SORL1: variants seen among roughly 807,000 people sequenced by gnomAD.
The protein encoded by SORL1 is sortilin related receptor 1.
Under a neutral mutation model 273.7 loss-of-function variants are expected in SORL1, and 127 were observed. The observed-to-expected ratio is 0.46, with a 90% confidence interval of 0.40 to 0.54. The LOEUF (loss-of-function observed/expected upper bound fraction) is 0.54. SORL1 is among the 20% of genes least tolerant of loss of function. The pLI, the probability that SORL1 is intolerant of heterozygous loss-of-function variation, is 0.00. For synonymous variants in SORL1, 1,031 were observed against 1,067.4 expected, an observed-to-expected ratio of 0.97 and a Z score of 0.66; for missense variants, 2,494 against 2,846.1, an observed-to-expected ratio of 0.88 and a Z score of 2.81.
intron 47 of SORL1, chr11:121,629,249 T>A (rs1353077693): frequency 6.1e-6 from 3 of 489,404 alleles, no homozygotes; most frequent in Admixed American, 7.5e-5. Flanking sequence ...TTTGTTTTCC[T>A]AATTTGGCTA....
intron 25 of SORL1, among the ~76,000 whole-genome samples, chr11:121,581,758 T>C (rs1863018622): frequency 6.6e-6 from 1 of 152,234 alleles, no homozygotes; most frequent in Admixed American, 6.5e-5. Context: ...AGAATTGTCA[T>C]TTGGAAACTT....
chr11:121,576,262 A>G (rs939940085), intron 24 of SORL1, among the ~76,000 whole-genome samples: 1 of 152,232 alleles, frequency 6.6e-6, no homozygotes, highest in Non-Finnish European at 1.5e-5. Context: ...CTTATTGTCT[A>G]GTGAGGGCCT....
chr11:121,629,506 T>C lies in SORL1; in HGVS notation c.6588T>C (p.Asp2196=), dbSNP rs1237407994. 1 of 1,574,214 alleles carries C rather than the reference T, an allele frequency of 6.4e-7. No individual in the cohort carries two copies. Among genetic ancestry groups the C allele is most frequent in the African/African-American group, 1.3e-5 (1 of 74,104 alleles). ...CTGTTTTGTCTCTAGGGGAAGATGA[T>C]GAAGATGCCCCTATGATAACTGGAT... ...FSSGDDLGED[D]EDAPMITGFS... is the part of the protein sequence containing the mutation. Residue 2196 remains aspartate (D), a synonymous_variant, in exon 48 of 48, where the codon GAT becomes GAC. Coordinates refer to ENST00000260197, the MANE Select transcript of SORL1 (RefSeq NM_003105.6).
At chr11:121,585,514 C>CACACACAT in intron 26 of SORL1, among the ~76,000 whole-genome samples, 1 of 151,388 alleles carries the variant, frequency 6.6e-6, no homozygotes, top group East Asian at 1.9e-4. Context: ...CACACACACA[C>CACACACAT]ACACACACAC....
intron 3 of SORL1, among the ~76,000 whole-genome samples, chr11:121,482,169 C>T (rs1202147544): frequency 6.6e-6 from 1 of 152,130 alleles, no homozygotes; most frequent in African/African-American, 2.4e-5. Flanking sequence ...AGGCAGAGGA[C>T]TGGGGCTTTG....
chr11:121,523,664 G>A (rs1862075039), intron 11 of SORL1, among the ~76,000 whole-genome samples: 1 of 151,932 alleles, frequency 6.6e-6, no homozygotes, highest in African/African-American at 2.4e-5. Flanking sequence ...GGCCAAGGAA[G>A]TGCGTTTGGT....
intron 1 of SORL1, among the ~76,000 whole-genome samples, chr11:121,468,523 C>T (rs537411155): frequency 3.3e-5 from 5 of 152,210 alleles, no homozygotes; most frequent in Non-Finnish European, 5.9e-5. Flanking sequence ...TGAGCTCAAG[C>T]GATTCTTCTG....
Position 121,625,108 on chromosome 11 carries a change from T to C in SORL1, c.6195T>C (p.Asp2065=). The C allele has an allele frequency of 6.2e-7, 1 of 1,612,874 alleles. No homozygotes were observed. The highest frequency in any genetic ancestry group is 8.5e-7 in the Non-Finnish European group (1 of 1,179,074). The stretch of plus-strand genomic sequence containing the variant: ...AGGGCTATGAGATACACATGTTTGA[T>C]AGTGCCATGAATATCACAGCTTACC... ...ESRGYEIHMF[D]SAMNITAYLG... is the part of the protein sequence containing the mutation. The change falls in exon 46 of 48, where the codon GAT becomes GAC. Residue 2065 remains aspartate (D), a synonymous_variant. Coordinates refer to ENST00000260197, the MANE Select transcript of SORL1 (RefSeq NM_003105.6).
intron 3 of SORL1, among the ~76,000 whole-genome samples, chr11:121,484,605 G>A (rs1166958624): frequency 6.6e-6 from 1 of 151,948 alleles, no homozygotes; most frequent in Non-Finnish European, 1.5e-5. Context: ...AGGGAGAATT[G>A]GGTTTTGTTG....
chr11:121,619,661 T>A, intron 42 of SORL1, 92 bp from the exon 43 acceptor site: 4 of 1,031,280 alleles, frequency 3.9e-6, no homozygotes, highest in Non-Finnish European at 5.7e-6. Flanking sequence ...TGAATTTTAA[T>A]TGTTGTCATT....
At position 121,545,968 on chromosome 11, in the gene SORL1, C is replaced by T. The variant is rs117986715; in HGVS notation, c.2051+539C>T. ...AAGTGCCTCAGAGGAGGAACTGGTA[C>T]TTTTATTGTGACTATTGAAAGGAAG... On this transcript the variant is annotated intron_variant, in intron 14 of 47. Coordinates refer to ENST00000260197, the MANE Select transcript of SORL1 (RefSeq NM_003105.6). Among the ~76,000 whole-genome samples, 649 of 152,268 alleles carry T rather than the reference C, an allele frequency of 4.3e-3. 6 individuals are homozygous for T. Among genetic ancestry groups the T allele is most frequent in the Admixed American group, 8.9e-3 (136 of 15,306 alleles).
chr11:121,604,473 C>T (rs1863439465), intron 33 of SORL1, 149 bp downstream of exon 33: 2 of 1,079,888 alleles, frequency 1.9e-6, no homozygotes, highest in Non-Finnish European at 2.6e-6. Flanking sequence ...AGTTTTGGAG[C>T]CCCAAGTGAG....
In SORL1 at chr11:121,520,675, A is replaced by T. The variant is rs1480205747; in HGVS notation, c.1230A>T (p.Pro410=). ...ATTGTAGGTATTTTGCAAATGAACC[A>T]TTTGCTGACTTCCACCGAGTGGAAG... is the stretch of plus-strand genomic sequence containing the variant. The part of the protein sequence containing the change: ...DTLVRYFANE[P]FADFHRVEGL... The change falls in exon 9 of 48, where the codon CCA becomes CCT. Residue 410 remains proline (P), a synonymous_variant. Transcript: ENST00000260197. 6.3e-7 allele frequency: 1 copy of T among 1,577,080 alleles called. No individual in the cohort carries two copies. Among genetic ancestry groups the T allele is most frequent in the Admixed American group, 1.9e-5 (1 of 51,932 alleles).
chr11:121,528,866 A>G (rs531561095), intron 11 of SORL1, among the ~76,000 whole-genome samples: 4 of 152,302 alleles, frequency 2.6e-5, no homozygotes, highest in African/African-American at 7.2e-5. Flanking sequence ...TGTTCTGTAG[A>G]TATTATTTAT....
At chr11:121,604,416 C>A (rs1863438014) in intron 33 of SORL1, 92 bp downstream of exon 33, 8 of 1,446,590 alleles carry the variant, frequency 5.5e-6, no homozygotes, top group South Asian at 1.3e-5. Flanking sequence ...TGAGCTAGGA[C>A]CCTTTTGAAC....
chr11:121,502,124 CTTTTTTTTTTTTT>C lies in SORL1; in HGVS notation c.939+5092_939+5104del, dbSNP rs57842880. 3.7e-3 allele frequency among the ~76,000 whole-genome samples: 242 copies of C among 65,188 alleles called. 4 individuals are homozygous for C. Among genetic ancestry groups the C allele is most frequent in the African/African-American group, 0.011 (211 of 18,866 alleles). 42.8% of individuals were successfully genotyped at this position (65,188 alleles called of 152,430 possible). A position where few individuals can be genotyped will look rare whatever the true frequency, so the allele number is the denominator to read the frequency against. On this transcript the variant is annotated intron_variant, in intron 6 of 47. Transcript: ENST00000260197. ...GTAACTACTGGGTCATGTGACAATTCTTTTTTTTTTTTTTTTTTTTTTTTTTTTTGAGATGGAG... is the reference window on the plus strand; with the variant it reads ...GTAACTACTGGGTCATGTGACAATTCTTTTTTTTTTTTTTTTGAGATGGAG...
chr11:121,507,610 G>A (rs768878383), intron 6 of SORL1, among the ~76,000 whole-genome samples: 1 of 151,690 alleles, frequency 6.6e-6, no homozygotes, highest in Admixed American at 6.6e-5. Context: ...CTATTTGCTT[G>A]TTTTTAAAAA....
At chr11:121,505,723 T>C (rs1009026815) in intron 6 of SORL1, among the ~76,000 whole-genome samples, 1 of 152,178 alleles carries the variant, frequency 6.6e-6, no homozygotes, top group Non-Finnish European at 1.5e-5. Flanking sequence ...GAATGTGTTG[T>C]TTAATTTCAA....
At chr11:121,518,363 A>G (rs929598013) in intron 8 of SORL1, among the ~76,000 whole-genome samples, 8 of 152,122 alleles carry the variant, frequency 5.3e-5, no homozygotes, top group Non-Finnish European at 1.0e-4. Flanking sequence ...GGGCAGGTCA[A>G]GTGGGGGAAA....
Sources: gnomAD v4.1 joint callset for allele counts (sites outside exome capture counted in the v4.1 genomes callset) on GRCh38, gnomAD v4.1.1 for gene constraint, MANE v1.5 for transcripts, NCBI Gene and HGNC (gene_info 2026-07-23, HGNC 2026-07-21) for gene names.